AEBP2: variants seen among roughly 807,000 people sequenced by gnomAD.
AEBP2 encodes AE binding protein 2.
A neutral mutation model predicts 50.8 loss-of-function variants in AEBP2; 10 were observed. The ratio of observed to expected loss-of-function variants is 0.20; its 90% CI spans 0.12 to 0.33. The LOEUF is 0.33. Among genes scored for constraint, AEBP2 ranks in the 10% least tolerant of loss-of-function variants. AEBP2 has a pLI of 1.00. For synonymous variants in AEBP2, 296 were observed against 261.3 expected (o/e 1.13, Z -1.28); for missense variants, 570 against 688.0 (o/e 0.83, Z 1.92).
chr12:19,450,019 G>A (rs1267797006), intron 1 of AEBP2, among the ~76,000 whole-genome samples: 1 of 152,126 alleles, frequency 6.6e-6, no homozygotes, highest in African/African-American at 2.4e-5. Context: ...ACACACAGAT[G>A]TAATAAAATA....
In AEBP2 at chr12:19,493,976, A is replaced by G. The variant is rs2120455509; in HGVS notation, c.1164A>G (p.Arg388=). ...NKRRKLKNKR[R]RSLPRPHDFF... ...GGAGGAAATTAAAGAACAAAAGACG[A>G]CGCTCATTACGTAAGTGTTACACTG... The change falls in exon 4 of 8, where the codon CGA becomes CGG. Residue 388 remains arginine, a synonymous_variant. Coordinates refer to ENST00000266508, the MANE Select transcript of AEBP2 (RefSeq NM_153207.5). The G allele has an allele frequency of 1.9e-6, 3 of 1,606,250 alleles. No individual in the cohort carries two copies. The East Asian group carries it at 6.7e-5, about 36-fold the overall frequency.
At chr12:19,463,502 A>G (rs1948412695) in intron 2 of AEBP2, among the ~76,000 whole-genome samples, 1 of 152,090 alleles carries the variant, frequency 6.6e-6, no homozygotes, top group East Asian at 1.9e-4. Context: ...TGGCATCACT[A>G]TTGAAGAACA....
chr12:19,416,211 C>G (rs2095742497), intron 1 of AEBP2, among the ~76,000 whole-genome samples: 1 of 152,022 alleles, frequency 6.6e-6, no homozygotes, highest in Non-Finnish European at 1.5e-5. Flanking sequence ...AAACAAAACC[C>G]AACTTTGGTT....
At chr12:19,425,686 T>A (rs1405097246) in intron 1 of AEBP2, among the ~76,000 whole-genome samples, 1 of 146,702 alleles carries the variant, frequency 6.8e-6, no homozygotes, top group Non-Finnish European at 1.5e-5. Context: ...GACAGGAGAA[T>A]CACTTGACCT....
In AEBP2 at chr12:19,516,555, G is replaced by T. The variant is rs546950411; in HGVS notation, c.1482-1532G>T. On this transcript the variant is annotated intron_variant, in intron 7 of 7. Coordinates refer to ENST00000266508, the MANE Select transcript of AEBP2 (RefSeq NM_153207.5). Reference sequence around the variant, plus strand: ...GCAATTTAGACATTTTAGTGAAAGTGACTTAAAACAAAATTTAAGCTTGAA... The same window carrying T: ...GCAATTTAGACATTTTAGTGAAAGTTACTTAAAACAAAATTTAAGCTTGAA... Among the ~76,000 whole-genome samples, 131 of 152,258 alleles carry T rather than the reference G, an allele frequency of 8.6e-4. 1 individual carries two copies. Among genetic ancestry groups the T allele is most frequent in the Non-Finnish European group, 1.5e-3 (102 of 68,016 alleles).
intron 3 of AEBP2, among the ~76,000 whole-genome samples, chr12:19,477,610 A>G (rs1398302069): frequency 6.6e-6 from 1 of 152,200 alleles, no homozygotes; most frequent in Non-Finnish European, 1.5e-5. Flanking sequence ...ATGTTAAACC[A>G]TCTCTGCATC....
chr12:19,465,226 C>T (rs1400234490), intron 2 of AEBP2, among the ~76,000 whole-genome samples: 1 of 151,812 alleles, frequency 6.6e-6, no homozygotes, highest in Non-Finnish European at 1.5e-5. Flanking sequence ...AACCCCGTCT[C>T]TACTAAAAAA....
chr12:19,426,256 A>G (rs1051698713), intron 1 of AEBP2, among the ~76,000 whole-genome samples: 2 of 152,082 alleles, frequency 1.3e-5, no homozygotes, highest in East Asian at 3.9e-4. Context: ...TTTCTAATTC[A>G]ATGATGGTGA....
Position 19,508,776 on chromosome 12 carries a change from A to G in AEBP2, c.1300-3622A>G, listed in dbSNP as rs976282110. On this transcript the variant is annotated intron_variant, in intron 5 of 7. Coordinates refer to ENST00000266508, the MANE Select transcript of AEBP2 (RefSeq NM_153207.5). ...AGCAAAAAACTCCAGGAGATAAACA[A>G]ATGCCTTAAGTTGTAAATTAGAGAC... is the stretch of plus-strand genomic sequence containing the variant. 1.8e-5 allele frequency: 3 copies of G among 165,276 alleles called. No individual in the cohort carries two copies. In the Admixed American group the frequency reaches 1.9e-4, roughly 10 times the overall value. 10.2% of individuals were successfully genotyped at this position (165,276 alleles called of 1,614,324 possible).
At position 19,518,908 on chromosome 12, in the gene AEBP2, A is replaced by G; in HGVS notation, c.*791A>G. The G allele has an allele frequency of 2.7e-6, 1 of 374,002 alleles. No homozygotes were observed. Among genetic ancestry groups the G allele is most frequent in the Non-Finnish European group, 4.7e-6 (1 of 214,208 alleles). The allele number at this position is 374,002 out of a possible 1,614,324, so 23.2% of individuals were successfully genotyped here. ...TTTGAAAAACCTTTCAAATTATTTG[A>G]ATAATCTTCATATTTTCATTTAACC... On this transcript the variant is annotated 3_prime_UTR_variant, in exon 8 of 8. Transcript: ENST00000266508.
At chr12:19,483,069 C>T (rs1179424092) in intron 3 of AEBP2, among the ~76,000 whole-genome samples, 3 of 152,126 alleles carry the variant, frequency 2.0e-5, no homozygotes, top group Admixed American at 6.5e-5. Context: ...CCTGTTCCCT[C>T]GCCACCTCCC....
intron 1 of AEBP2, among the ~76,000 whole-genome samples, chr12:19,434,128 A>C (rs956387721): frequency 1.3e-5 from 2 of 151,408 alleles, no homozygotes; most frequent in Admixed American, 1.3e-4. Flanking sequence ...TATAGGCATG[A>C]GCCACTGCGC....
At chr12:19,516,384 CCT>C (rs1949318525) in intron 7 of AEBP2, among the ~76,000 whole-genome samples, 1 of 152,086 alleles carries the variant, frequency 6.6e-6, no homozygotes. Flanking sequence ...TAGTCGTAAA[CCT>C]CTCTTAGAGA....
intron 3 of AEBP2, among the ~76,000 whole-genome samples, chr12:19,475,478 A>G (rs1179268407): frequency 2.0e-5 from 3 of 151,990 alleles, no homozygotes; most frequent in Non-Finnish European, 4.4e-5. Flanking sequence ...ATATATATAT[A>G]CTGCATTTTC....
intron 1 of AEBP2, among the ~76,000 whole-genome samples, chr12:19,451,420 T>C (rs904281263): frequency 1.8e-4 from 28 of 152,310 alleles, no homozygotes; most frequent in African/African-American, 6.3e-4. Context: ...GTGTATGTTC[T>C]TCACGGGATC....
rs528212368 is a variant in AEBP2 at position 19,521,261 on chromosome 12, C to T, written c.*3144C>T. The T allele has an allele frequency of 6.6e-6, 1 of 152,236 alleles. No individual in the cohort carries two copies. Among genetic ancestry groups the T allele is most frequent in the Non-Finnish European group, 1.5e-5 (1 of 68,008 alleles). 9.4% of individuals were successfully genotyped at this position (152,236 alleles called of 1,614,324 possible). ...TGTTGATCTTGGTAATAAGCCAGTA[C>T]ATTAAATTTTAGTGAAAGCTGTTTC... On this transcript the variant is annotated 3_prime_UTR_variant, in exon 8 of 8. Transcript: ENST00000266508.
intron 6 of AEBP2, among the ~76,000 whole-genome samples, chr12:19,513,012 T>C (rs1203340899): frequency 6.6e-6 from 1 of 152,088 alleles, no homozygotes; most frequent in African/African-American, 2.4e-5. Context: ...GTTTTTTGTT[T>C]TGTTTTTGTT....
chr12:19,498,977 T>C (rs1949026180), intron 4 of AEBP2, among the ~76,000 whole-genome samples: 1 of 152,118 alleles, frequency 6.6e-6, no homozygotes, highest in Admixed American at 6.5e-5. Flanking sequence ...ATCACGCCAC[T>C]GGACTCTAGC....
At chr12:19,471,898 G>C (rs1664686504) in intron 2 of AEBP2, among the ~76,000 whole-genome samples, 1 of 152,018 alleles carries the variant, frequency 6.6e-6, no homozygotes, top group African/African-American at 2.4e-5. Context: ...TTTTAACTCT[G>C]AGAACCTTGG....
Sources: allele counts gnomAD v4.1 joint callset (sites outside exome capture counted in the v4.1 genomes callset), GRCh38; gene constraint gnomAD v4.1.1; transcripts MANE v1.5; gene names NCBI Gene and HGNC (gene_info 2026-07-23, HGNC 2026-07-21).